SPATA6: variants seen among roughly 807,000 people sequenced by gnomAD.
SPATA6 encodes spermatogenesis associated 6.
In SPATA6, 56 loss-of-function variants were observed where a neutral mutation model predicts 65.3. The ratio of observed to expected loss-of-function variants is 0.86; its 90% CI spans 0.69 to 1.07. The LOEUF (loss-of-function observed/expected upper bound fraction) is 1.07. Ranked by LOEUF, SPATA6 falls within the 50% of genes least tolerant of loss-of-function variation. The pLI, the probability that SPATA6 is intolerant of heterozygous loss-of-function variation, is 0.00. For missense variants in SPATA6, 590 were observed against 594.8 expected (o/e 0.99, Z 0.08); for synonymous variants, 199 against 213.2 (o/e 0.93, Z 0.58).
chr1:48,283,696 A>AT, the SPATA6 span, among the ~76,000 whole-genome samples: 4 of 102,510 alleles, frequency 3.9e-5, no homozygotes, highest in Non-Finnish European at 7.5e-5. Context: ...AAAAAAAAAA[A>AT]AAAAGAAAGA....
At chr1:48,349,171 T>C (rs55814822) in intron 11 of SPATA6, among the ~76,000 whole-genome samples, 32 of 152,128 alleles carry the variant, frequency 2.1e-4, no homozygotes, top group Middle Eastern at 3.4e-3. Flanking sequence ...GATAAAATTT[T>C]TTTGGTACAC....
chr1:48,443,121 G>A (rs773002968), intron 3 of SPATA6, among the ~76,000 whole-genome samples: 2 of 152,248 alleles, frequency 1.3e-5, no homozygotes, highest in Non-Finnish European at 2.9e-5. Context: ...CGTGCCACTT[G>A]TTGGCACTCA....
At chr1:48,336,958 A>G (rs1288154976) in intron 11 of SPATA6, among the ~76,000 whole-genome samples, 1 of 151,982 alleles carries the variant, frequency 6.6e-6, no homozygotes, top group African/African-American at 2.4e-5. Context: ...AAACTATCCC[A>G]CAAAAATAGG....
chr1:48,306,023 G>A (rs547553968), intron 11 of SPATA6, 145 bp from the exon 12 acceptor site: 15 of 598,784 alleles, frequency 2.5e-5, no homozygotes, highest in South Asian at 2.3e-4. Flanking sequence ...TTCTTTGGGG[G>A]GAAAAAGGTT....
chr1:48,442,823 G>GTA (rs1016135340), intron 3 of SPATA6, among the ~76,000 whole-genome samples: 1 of 149,682 alleles, frequency 6.7e-6, no homozygotes, highest in African/African-American at 2.5e-5. Flanking sequence ...CTGCAACCCT[G>GTA]TAACACTCCA....
At chr1:48,280,914 C>T in the SPATA6 span, among the ~76,000 whole-genome samples, 2 of 152,120 alleles carry the variant, frequency 1.3e-5, no homozygotes, top group Admixed American at 1.3e-4. Flanking sequence ...CCTTGATGAA[C>T]ATTGATGCAA....
chr1:48,372,410 G>C (rs1270002699), intron 9 of SPATA6, among the ~76,000 whole-genome samples: 3 of 152,166 alleles, frequency 2.0e-5, no homozygotes, highest in Non-Finnish European at 2.9e-5. Context: ...CTCACATCCA[G>C]CTCACACTGA....
At chr1:48,292,073 T>C (rs1178236741), downstream of SPATA6, among the ~76,000 whole-genome samples, 3 of 152,212 alleles carry the variant, frequency 2.0e-5, no homozygotes, top group Non-Finnish European at 4.4e-5. Flanking sequence ...TTCTTTGGGG[T>C]CAGTTACTGT....
In SPATA6 at chr1:48,395,350, T is replaced by A; in HGVS notation, c.785A>T (p.Asp262Val). The A allele has an allele frequency of 6.4e-7, 1 of 1,554,266 alleles. No homozygotes were observed. Among genetic ancestry groups the A allele is most frequent in the South Asian group, 1.2e-5 (1 of 81,606 alleles). The change falls in exon 8 of 13, where the codon GAT becomes GTT. Residue 262 changes from aspartate (D) to valine (V), a missense_variant. Physicochemically the swap from Asp to Val is radical, Grantham distance 152. Transcript: ENST00000371847. ...AGTATCAGCCCTGGGACTTGGGGGA[T>A]CAACCTAGAGGAAGCAGGATTTTTA... is the stretch of plus-strand genomic sequence containing the variant. ...DKPPFVIRHVDPPSPRADTLL... is the reference protein window; with the variant it reads ...DKPPFVIRHVVPPSPRADTLL...
chr1:48,422,531 G>A (rs1472140298), intron 3 of SPATA6, among the ~76,000 whole-genome samples: 1 of 152,062 alleles, frequency 6.6e-6, no homozygotes, highest in African/African-American at 2.4e-5. Context: ...ATAGGAATAA[G>A]GATTAACTCA....
At chr1:48,284,180 TC>T in the SPATA6 span, among the ~76,000 whole-genome samples, 1 of 152,180 alleles carries the variant, frequency 6.6e-6, no homozygotes, top group African/African-American at 2.4e-5. Flanking sequence ...ATTAAGTTGA[TC>T]TTCAATCCCT....
chr1:48,385,284 T>C (rs1310103217), intron 9 of SPATA6, 25 bp downstream of exon 9: 1 of 1,579,928 alleles, frequency 6.3e-7, no homozygotes, highest in Non-Finnish European at 8.6e-7. Flanking sequence ...AGAACAATTA[T>C]TATTCTACAA....
At chr1:48,399,258 A>G in intron 7 of SPATA6, 93 bp downstream of exon 7, 1 of 1,361,636 alleles carries the variant, frequency 7.3e-7, no homozygotes, top group Non-Finnish European at 1.0e-6. Flanking sequence ...TATTATTAAT[A>G]TAAGCTAGAA....
intron 1 of SPATA6, among the ~76,000 whole-genome samples, chr1:48,464,265 TA>T (rs1657653200): frequency 6.6e-6 from 1 of 152,030 alleles, no homozygotes; most frequent in Non-Finnish European, 1.5e-5. Flanking sequence ...TCCCTAACAT[TA>T]AACACTATAC....
chr1:48,380,092 G>T (rs1266965921), intron 9 of SPATA6, among the ~76,000 whole-genome samples: 1 of 152,150 alleles, frequency 6.6e-6, no homozygotes, highest in Non-Finnish European at 1.5e-5. Flanking sequence ...GAAAAAGTGA[G>T]AATCTCGGGA....
Position 48,386,879 on chromosome 1 carries a change from G to A in SPATA6, c.869-1530C>T, listed in dbSNP as rs1468093387. 3.3e-5 allele frequency among the ~76,000 whole-genome samples: 5 copies of A among 152,310 alleles called. No homozygotes were observed. The East Asian group carries it at 9.7e-4, about 29-fold the overall frequency. ...CCCCTACAGACTGTGAGCTGTCCTG[G>A]AGCCCAGTGGCAGCAGGGCTGCCCC... On this transcript the variant is annotated intron_variant, in intron 8 of 12. Transcript: ENST00000371847.
chr1:48,413,039 TATATA>T lies in SPATA6; in HGVS notation c.280+66_280+70del, dbSNP rs771324717. The T allele has an allele frequency of 1.4e-3, 635 of 438,968 alleles. 1 individual carries two copies. Among genetic ancestry groups the T allele is most frequent in the Non-Finnish European group, 1.5e-3 (422 of 282,416 alleles). 27.2% of individuals were successfully genotyped at this position (438,968 alleles called of 1,614,324 possible). ...TTATCAAATAATATAGTATAATCAATATATAATATATTATATATTACATCAATTTA... is the reference window on the plus strand; with the variant it reads ...TTATCAAATAATATAGTATAATCAATATATATTATATATTACATCAATTTA... On this transcript the variant is annotated intron_variant, in intron 4 of 12. Transcript: ENST00000371847.
At chr1:48,418,811 GGGAA>G (rs1653048797) in intron 3 of SPATA6, among the ~76,000 whole-genome samples, 2 of 144,730 alleles carry the variant, frequency 1.4e-5, no homozygotes, top group Admixed American at 7.1e-5. Context: ...GAGGGAAGGA[GGGAA>G]GGAGGGAGGG....
At chr1:48,357,565 C>T (rs928901387) in intron 10 of SPATA6, among the ~76,000 whole-genome samples, 8 of 152,084 alleles carry the variant, frequency 5.3e-5, no homozygotes, top group African/African-American at 4.8e-5. Context: ...ACATCATCCA[C>T]GCAAAACTTC....
Sources: allele counts gnomAD v4.1 joint callset (sites outside exome capture counted in the v4.1 genomes callset), GRCh38; gene constraint gnomAD v4.1.1; transcripts MANE v1.5; gene names NCBI Gene and HGNC (gene_info 2026-07-23, HGNC 2026-07-21).